The following ADARB2 variants were observed in gnomAD, a reference collection of about 807,000 sequenced individuals.
The protein encoded by ADARB2 is inactive double-stranded RNA-specific editase B2.
Under a neutral mutation model 62.2 loss-of-function variants are expected in ADARB2, and 25 were observed. That is an observed-to-expected ratio of 0.40 (90% CI 0.29 to 0.56). ADARB2 has a LOEUF of 0.56. Among genes scored for constraint, ADARB2 ranks in the 20% least tolerant of loss-of-function variants. The pLI, the probability that ADARB2 is intolerant of heterozygous loss-of-function variation, is 0.43. For missense variants in ADARB2, 1,071 were observed against 1,077.4 expected, an observed-to-expected ratio of 0.99 and a Z score of 0.08; for synonymous variants, 572 against 500.8, an observed-to-expected ratio of 1.14 and a Z score of -1.90.
chr10:1,634,753 GAATTC>G (rs1486479275), intron 1 of ADARB2, among the ~76,000 whole-genome samples: 4 of 152,112 alleles, frequency 2.6e-5, no homozygotes, highest in African/African-American at 9.7e-5. Context: ...TATTTTAATT[GAATTC>G]AATTCATTAC....
chr10:1,338,652 T>G (rs754926303), intron 3 of ADARB2, among the ~76,000 whole-genome samples: 14 of 152,176 alleles, frequency 9.2e-5, no homozygotes, highest in Admixed American at 8.5e-4. Flanking sequence ...ATCTAAAACA[T>G]GAATGGAAAT....
intron 1 of ADARB2, among the ~76,000 whole-genome samples, chr10:1,614,269 T>C (rs1380907046): frequency 6.6e-6 from 1 of 152,240 alleles, no homozygotes; most frequent in African/African-American, 2.4e-5. Context: ...TCAATGTTTA[T>C]TACAGCTTTA....
At chr10:1,216,702 C>G in intron 7 of ADARB2, 1 of 552,792 alleles carries the variant, frequency 1.8e-6, no homozygotes, top group East Asian at 3.5e-5. Flanking sequence ...TTGCTCGGGG[C>G]TGTTTGCCTC....
intron 1 of ADARB2, among the ~76,000 whole-genome samples, chr10:1,691,175 A>T (rs1834667561): frequency 6.6e-6 from 1 of 152,128 alleles, no homozygotes; most frequent in African/African-American, 2.4e-5. Flanking sequence ...TTGGGTCCTG[A>T]TAAGAAGAGG....
At chr10:1,190,059 G>A (rs776400585) in intron 8 of ADARB2, among the ~76,000 whole-genome samples, 9 of 152,100 alleles carry the variant, frequency 5.9e-5, no homozygotes, top group African/African-American at 1.2e-4. Context: ...AGCCTGTGTC[G>A]TCTGAACTCA....
intron 1 of ADARB2, among the ~76,000 whole-genome samples, chr10:1,481,462 A>G (rs543488091): frequency 6.6e-6 from 1 of 152,372 alleles, no homozygotes; most frequent in East Asian, 1.9e-4. Flanking sequence ...TCTACTTCAC[A>G]TTTAAAAGCT....
At chr10:1,711,435 A>T (rs1227288437) in intron 1 of ADARB2, among the ~76,000 whole-genome samples, 2 of 152,212 alleles carry the variant, frequency 1.3e-5, no homozygotes, top group Non-Finnish European at 2.9e-5. Context: ...GAACACCACC[A>T]TAGCTGATGG....
At chr10:1,300,627 C>T (rs1239925257) in intron 3 of ADARB2, among the ~76,000 whole-genome samples, 2 of 152,338 alleles carry the variant, frequency 1.3e-5, no homozygotes, top group East Asian at 3.9e-4. Flanking sequence ...CCTCCCTGAG[C>T]ATAGCAATTG....
chr10:1,245,164 G>A (rs1274269732), intron 4 of ADARB2, among the ~76,000 whole-genome samples: 1 of 152,120 alleles, frequency 6.6e-6, no homozygotes. Context: ...ACCCTCAGGA[G>A]TGGATTGGTG....
At chr10:1,498,975 A>C (rs1831727526) in intron 1 of ADARB2, among the ~76,000 whole-genome samples, 1 of 148,732 alleles carries the variant, frequency 6.7e-6, no homozygotes, top group Admixed American at 6.8e-5. Context: ...TTCAGTGTTC[A>C]TTCATCGCTC....
chr10:1,290,744 G>A (rs143746303), intron 3 of ADARB2: 8 of 152,260 alleles, frequency 5.3e-5, no homozygotes, highest in Non-Finnish European at 1.2e-4. Flanking sequence ...TTCCTAAATC[G>A]TTAAATATCC....
chr10:1,435,139 T>A (rs1830820901), intron 1 of ADARB2, among the ~76,000 whole-genome samples: 2 of 152,220 alleles, frequency 1.3e-5, no homozygotes, highest in Non-Finnish European at 2.9e-5. Flanking sequence ...CGAGGCCGGC[T>A]GTGCCTCCAA....
chr10:1,737,279 G>C lies in ADARB2; in HGVS notation c.-129C>G. On this transcript the variant is annotated 5_prime_UTR_variant, in exon 1 of 10. Transcript: ENST00000381312. ...AAACCCGGGAGCGGCTCACTTTTCA[G>C]GACTGAGCAGGAAAGCGCGCTCCGT... The C allele has an allele frequency of 1.2e-6, 1 of 843,554 alleles. No homozygotes were observed. The highest frequency in any genetic ancestry group is 1.6e-5 in the South Asian group (1 of 62,912). The allele number at this position is 843,554 out of a possible 1,614,324, so 52.3% of individuals were successfully genotyped here.
chr10:1,430,155 T>G (rs1830765370), intron 1 of ADARB2, among the ~76,000 whole-genome samples: 1 of 152,214 alleles, frequency 6.6e-6, no homozygotes, highest in South Asian at 2.1e-4. Flanking sequence ...TTACTCGAAG[T>G]GGCAAGGCAC....
intron 1 of ADARB2, among the ~76,000 whole-genome samples, chr10:1,530,650 A>G (rs1452935149): frequency 6.6e-6 from 1 of 152,020 alleles, no homozygotes; most frequent in Non-Finnish European, 1.5e-5. Flanking sequence ...GTTTCTAGAC[A>G]AGATCCGTTT....
chr10:1,481,612 C>T (rs896872165), intron 1 of ADARB2, among the ~76,000 whole-genome samples: 6 of 122,010 alleles, frequency 4.9e-5, no homozygotes, highest in East Asian at 2.5e-4. Context: ...GTGGCTCACG[C>T]ATCATCCCAG....
At chr10:1,297,108 C>T (rs566543196) in intron 3 of ADARB2, among the ~76,000 whole-genome samples, 1 of 152,320 alleles carries the variant, frequency 6.6e-6, no homozygotes, top group East Asian at 1.9e-4. Flanking sequence ...AACCTCAGAG[C>T]ATAATGTTAT....
chr10:1,514,202 T>TATATATA (rs376354957), intron 1 of ADARB2, among the ~76,000 whole-genome samples: 11 of 116,884 alleles, frequency 9.4e-5, no homozygotes, highest in African/African-American at 1.2e-4. Context: ...TATATGTATA[T>TATATATA]TATATAAAAT....
At chr10:1,445,313 A>C (rs1382599682) in intron 1 of ADARB2, among the ~76,000 whole-genome samples, 2 of 148,670 alleles carry the variant, frequency 1.3e-5, no homozygotes, top group Non-Finnish European at 3.0e-5. Flanking sequence ...ATCCGCCTAC[A>C]TCCATCCTTT....
Sources: allele counts gnomAD v4.1 joint callset (sites outside exome capture counted in the v4.1 genomes callset), GRCh38; gene constraint gnomAD v4.1.1; transcripts MANE v1.5; gene names NCBI Gene and HGNC (gene_info 2026-07-23, HGNC 2026-07-21).